The following RANBP2 variants were observed in gnomAD, a reference collection of about 807,000 sequenced individuals.
The protein encoded by RANBP2 is RAN binding protein 2.
RANBP2 carries 57 observed loss-of-function variants against 303.6 expected under a neutral mutation model. The observed-to-expected ratio is 0.19, with a 90% CI of 0.15 to 0.23. The LOEUF is 0.23. Ranked by LOEUF, RANBP2 falls within the 10% of genes least tolerant of loss-of-function variation. The pLI, the probability that RANBP2 is intolerant of heterozygous loss-of-function variation, is 1.00. For synonymous variants in RANBP2, 1,167 were observed against 1,301.5 expected, an observed-to-expected ratio of 0.90 and a Z score of 2.23; for missense variants, 3,138 against 3,780.8, an observed-to-expected ratio of 0.83 and a Z score of 4.46.
the RANBP2 span, among the ~76,000 whole-genome samples, chr2:109,078,985 T>C: frequency 2.0e-5 from 3 of 151,808 alleles, no homozygotes; most frequent in Admixed American, 1.3e-4. Context: ...AGCGAGACTC[T>C]GTTTCAAAAA....
At chr2:109,449,060 G>C in the RANBP2 span, 6 of 1,301,396 alleles carry the variant, frequency 4.6e-6, no homozygotes, top group Non-Finnish European at 6.3e-6. Flanking sequence ...TTCAGAGAGA[G>C]GCTGTGAGTG....
chr2:109,616,108 A>C, the RANBP2 span: 1 of 1,447,726 alleles, frequency 6.9e-7, no homozygotes, highest in Non-Finnish European at 9.1e-7. Flanking sequence ...TATTTGTCTT[A>C]ATAAATTGAA....
chr2:109,246,538 C>T, the RANBP2 span, among the ~76,000 whole-genome samples: 2 of 152,196 alleles, frequency 1.3e-5, no homozygotes, highest in Non-Finnish European at 2.9e-5. Context: ...TTGCATACTC[C>T]AAGGAATATC....
At chr2:109,376,591 T>C in the RANBP2 span, among the ~76,000 whole-genome samples, 2 of 152,358 alleles carry the variant, frequency 1.3e-5, no homozygotes, top group East Asian at 1.9e-4. Context: ...TGCCTCCACA[T>C]TGACAACATC....
Position 108,775,926 on chromosome 2 carries a change from T to G in RANBP2, c.8487T>G (p.Ser2829=). Residue 2829 remains serine (S), a synonymous_variant, in exon 24 of 29, where the codon TCT becomes TCG. Coordinates refer to ENST00000283195, the MANE Select transcript of RANBP2 (RefSeq NM_006267.5). ...CTAGAAAGGAAATTGATACAGATTC[T>G]ACAAGCCAAGGTAAATCTTGATATA... The part of the protein sequence containing the change: ...LSTRKEIDTD[S]TSQGESKIVS... 6.2e-7 allele frequency: 1 copy of G among 1,609,366 alleles called. No individual in the cohort carries two copies.
Position 108,749,004 on chromosome 2 carries a change from C to T in RANBP2, c.1148C>T (p.Ser383Phe), listed in dbSNP as rs1215796544. Residue 383 changes from serine to phenylalanine, a missense_variant, in exon 9 of 29, where the codon TCT (serine) becomes TTT (phenylalanine). Physicochemically the swap from Ser to Phe is radical, Grantham distance 155. Transcript: ENST00000283195. ...ACTTTTGCCAACAAAAGCGGGCAGT[C>T]TGCATTATATGATGCTCTGTTTTCT... ...VETFANKSGQ[S>F]ALYDALFSSQ... The T allele has an allele frequency of 1.2e-6, 2 of 1,611,888 alleles. No individual in the cohort carries two copies. Among genetic ancestry groups the T allele is most frequent in the South Asian group, 2.2e-5 (2 of 90,984 alleles).
the RANBP2 span, among the ~76,000 whole-genome samples, chr2:109,227,404 G>A: frequency 6.6e-6 from 1 of 152,180 alleles, no homozygotes; most frequent in Non-Finnish European, 1.5e-5. Flanking sequence ...GTAACCAGCT[G>A]TTCTTCTTAC....
At chr2:108,919,206 C>G in the RANBP2 span, among the ~76,000 whole-genome samples, 7 of 152,182 alleles carry the variant, frequency 4.6e-5, no homozygotes, top group South Asian at 1.2e-3. Flanking sequence ...CATCCGGGCA[C>G]AAGAGACGGA....
the RANBP2 span, among the ~76,000 whole-genome samples, chr2:109,517,040 C>G: frequency 6.6e-6 from 1 of 152,162 alleles, no homozygotes; most frequent in African/African-American, 2.4e-5. Context: ...CTGAGCTTTG[C>G]TCCCCTGCAA....
chr2:108,806,395 A>T, the RANBP2 span, among the ~76,000 whole-genome samples: 1 of 152,184 alleles, frequency 6.6e-6, no homozygotes, highest in Non-Finnish European at 1.5e-5. Context: ...GGATATGTGG[A>T]TTATTAAATA....
the RANBP2 span, among the ~76,000 whole-genome samples, chr2:109,499,458 T>C: frequency 1.3e-5 from 2 of 152,162 alleles, no homozygotes; most frequent in Admixed American, 6.5e-5. Flanking sequence ...GCATCTTCTC[T>C]CAGCCCTTAC....
At chr2:109,332,093 CT>C in the RANBP2 span, among the ~76,000 whole-genome samples, 366 of 152,306 alleles carry the variant, frequency 2.4e-3, 2 homozygotes, top group African/African-American at 8.5e-3. Context: ...CTTTTGGGTG[CT>C]TCTGTTTAGC....
the RANBP2 span, chr2:109,124,272 T>G: frequency 6.6e-6 from 1 of 152,176 alleles, no homozygotes; most frequent in Non-Finnish European, 1.5e-5. Context: ...CCTCCTGGGT[T>G]CAAGCGATTC....
At chr2:109,450,306 A>G in the RANBP2 span, among the ~76,000 whole-genome samples, 4 of 152,040 alleles carry the variant, frequency 2.6e-5, no homozygotes, top group Non-Finnish European at 5.9e-5. Flanking sequence ...AGATTGTGCC[A>G]CTGCACTCCA....
chr2:109,093,406 TA>T, the RANBP2 span, among the ~76,000 whole-genome samples: 252 of 90,684 alleles, frequency 2.8e-3, 1 homozygote, highest in East Asian at 0.016. Context: ...CGGAGATTTG[TA>T]AAAAAAAAAA....
chr2:109,351,453 A>C, the RANBP2 span, among the ~76,000 whole-genome samples: 1 of 152,220 alleles, frequency 6.6e-6, no homozygotes, highest in Non-Finnish European at 1.5e-5. Context: ...GAACTACTCC[A>C]TTGTTTGAGC....
At chr2:109,548,353 C>T in the RANBP2 span, among the ~76,000 whole-genome samples, 1 of 152,150 alleles carries the variant, frequency 6.6e-6, no homozygotes, top group East Asian at 1.9e-4. Flanking sequence ...GGGTAGAAAC[C>T]TGGCATTCAT....
At chr2:108,876,452 T>C in the RANBP2 span, 1 of 359,842 alleles carries the variant, frequency 2.8e-6, no homozygotes, top group Admixed American at 4.3e-5. Flanking sequence ...GGTAAGGTAA[T>C]ACTAATATAC....
the RANBP2 span, among the ~76,000 whole-genome samples, chr2:109,459,578 C>T: frequency 1.3e-5 from 2 of 152,176 alleles, no homozygotes; most frequent in Non-Finnish European, 2.9e-5. Context: ...ATGCTCTTGC[C>T]CATGTCCACT....
Sources: gnomAD v4.1 joint callset for allele counts (sites outside exome capture counted in the v4.1 genomes callset) on GRCh38, gnomAD v4.1.1 for gene constraint, MANE v1.5 for transcripts, NCBI Gene and HGNC (gene_info 2026-07-23, HGNC 2026-07-21) for gene names.